Variants in PKP1 observed in about 807,000 individuals in gnomAD.
The protein encoded by PKP1 is plakophilin-1.
Under a neutral mutation model 76.4 loss-of-function variants are expected in PKP1, and 27 were observed. The ratio of observed to expected loss-of-function variants is 0.35; its 90% CI spans 0.26 to 0.49. The LOEUF is 0.49. PKP1 is among the 20% of genes least tolerant of loss of function. The pLI is 0.99. For missense variants in PKP1, 964 were observed against 955.2 expected, an observed-to-expected ratio of 1.01 and a Z score of -0.12; for synonymous variants, 404 against 384.2, an observed-to-expected ratio of 1.05 and a Z score of -0.60.
chr1:201,317,979 G>C (rs1656815181), intron 5 of PKP1, among the ~76,000 whole-genome samples, 200 bp downstream of exon 5: 2 of 152,238 alleles, frequency 1.3e-5, no homozygotes, highest in Admixed American at 1.3e-4. Flanking sequence ...ACCTTGGGTG[G>C]TGTGCACACA....
intron 9 of PKP1, among the ~76,000 whole-genome samples, chr1:201,323,757 G>T (rs565135113): frequency 6.6e-6 from 1 of 152,308 alleles, no homozygotes; most frequent in Admixed American, 6.5e-5. Flanking sequence ...CCGAGCAGCA[G>T]CAGCACTAGA....
At chr1:201,326,102 T>C (rs1024452559) in intron 12 of PKP1, among the ~76,000 whole-genome samples, 10 of 152,152 alleles carry the variant, frequency 6.6e-5, no homozygotes, top group African/African-American at 2.4e-4. Context: ...GGTGGGATCC[T>C]TTAGGAGCAA....
At chr1:201,324,221 G>T (rs1432523815) in intron 9 of PKP1, among the ~76,000 whole-genome samples, 1 of 152,156 alleles carries the variant, frequency 6.6e-6, no homozygotes, top group African/African-American at 2.4e-5. Flanking sequence ...TGGGCTGCAG[G>T]CTGATCCAGG....
intron 3 of PKP1, among the ~76,000 whole-genome samples, chr1:201,314,601 C>T (rs920257606): frequency 1.3e-5 from 2 of 152,236 alleles, no homozygotes; most frequent in African/African-American, 4.8e-5. Context: ...CAAAGGAGAC[C>T]AAATGGGGTG....
chr1:201,326,234 G>A (rs1235241472), intron 12 of PKP1, among the ~76,000 whole-genome samples: 3 of 152,214 alleles, frequency 2.0e-5, no homozygotes, highest in Non-Finnish European at 2.9e-5. Context: ...GAAGAGCTTG[G>A]ACTTGTACCT....
At chr1:201,295,932 C>A (rs1215354550) in intron 2 of PKP1, among the ~76,000 whole-genome samples, 2 of 152,108 alleles carry the variant, frequency 1.3e-5, no homozygotes, top group African/African-American at 4.8e-5. Flanking sequence ...CATTTCACTT[C>A]TGGTTAATTA....
At chr1:201,321,892 C>T (rs1656950828) in intron 7 of PKP1, 86 bp from the exon 8 acceptor site, 5 of 1,511,664 alleles carry the variant, frequency 3.3e-6, no homozygotes, top group African/African-American at 2.7e-5. Flanking sequence ...GGTGCCTCTG[C>T]TCTCTTATTA....
intron 3 of PKP1, 180 bp from the exon 4 acceptor site, chr1:201,316,373 C>T (rs1656748151): frequency 1.6e-6 from 1 of 630,180 alleles, no homozygotes; most frequent in Non-Finnish European, 2.8e-6. Flanking sequence ...AGCCTTCCCT[C>T]CTCTGGAGGA....
chr1:201,313,694 C>G (rs1656638093), intron 3 of PKP1, 134 bp downstream of exon 3: 1 of 963,000 alleles, frequency 1.0e-6, no homozygotes, highest in South Asian at 1.7e-5. Context: ...AGTTCATTGC[C>G]CCTGGTGTAA....
At position 201,324,510 on chromosome 1, in the gene PKP1, C is replaced by G. The variant is rs1005266334; in HGVS notation, c.1763C>G (p.Ser588Cys). ...QIARLLQSGN[S>C]DVVRSGASLL... ...GCCCGCCTCCTGCAATCTGGCAACT[C>G]TGATGTGGTGCGGTCCGGAGCCTCC... Residue 588 changes from serine to cysteine, a missense_variant, in exon 10 of 14, where the codon TCT becomes TGT. Physicochemically the swap from Ser to Cys is moderately radical, Grantham distance 112. Coordinates refer to ENST00000367324, the MANE Select transcript of PKP1 (RefSeq NM_001005337.3). The G allele has an allele frequency of 1.2e-5, 19 of 1,614,152 alleles. No individual in the cohort carries two copies. Among genetic ancestry groups the G allele is most frequent in the Non-Finnish European group, 1.5e-5 (18 of 1,180,028 alleles).
chr1:201,319,918 A>G (rs2102180495), intron 6 of PKP1: 3 of 1,600,192 alleles, frequency 1.9e-6, no homozygotes, highest in African/African-American at 1.3e-5. Flanking sequence ...CCGTTGCCAC[A>G]TGGAGCCATT....
chr1:201,290,796 T>A (rs1655894223), intron 1 of PKP1, among the ~76,000 whole-genome samples: 1 of 152,088 alleles, frequency 6.6e-6, no homozygotes, highest in Non-Finnish European at 1.5e-5. Context: ...TCAGAGAGTG[T>A]CCAAAGTACA....
In PKP1 at chr1:201,324,942, G is replaced by A. The variant is rs767088710; in HGVS notation, c.1836G>A (p.Gly612=). ...TGCCCCAACTCGTTCCTCTCCCAGG[G>A]AACCAGGTGTTCCCGGAGGTGACCA... ...SRHPLLHRVM[G]NQVFPEVTRL... The change falls in exon 11 of 14, where the codon GGG becomes GGA. Residue 612 remains glycine, a splice_region_variant and synonymous_variant. Transcript: ENST00000367324. 3.1e-6 allele frequency: 5 copies of A among 1,613,372 alleles called. No homozygotes were observed. Among genetic ancestry groups the A allele is most frequent in the South Asian group, 1.1e-5 (1 of 91,010 alleles).
chr1:201,321,993 A>T lies in PKP1; in HGVS notation c.1363A>T (p.Met455Leu). Residue 455 changes from methionine to leucine, a missense_variant, in exon 8 of 14, where the codon ATG (methionine) becomes TTG (leucine). Transcript: ENST00000367324. ...RCDDKSVENCMCVLHNLSYRL... is the reference protein window; with the variant it reads ...RCDDKSVENCLCVLHNLSYRL... ...TGGTCCCCAGTCTGTGGAAAACTGC[A>T]TGTGTGTTCTGCACAACCTCTCCTA... is the stretch of plus-strand genomic sequence containing the variant. 2 of 1,614,040 alleles carry T rather than the reference A, an allele frequency of 1.2e-6. No homozygotes were observed. Among genetic ancestry groups the T allele is most frequent in the Non-Finnish European group, 1.7e-6 (2 of 1,180,004 alleles).
chr1:201,308,309 G>A (rs1656428020), intron 2 of PKP1, among the ~76,000 whole-genome samples: 1 of 152,204 alleles, frequency 6.6e-6, no homozygotes, highest in Non-Finnish European at 1.5e-5. Context: ...CTGCAGTGCT[G>A]TCAGCATCCT....
intron 13 of PKP1, among the ~76,000 whole-genome samples, chr1:201,329,267 C>T (rs1459984591): frequency 6.6e-6 from 1 of 152,202 alleles, no homozygotes; most frequent in Non-Finnish European, 1.5e-5. Flanking sequence ...TTATAATTCA[C>T]TTTCCACTCT....
intron 1 of PKP1, among the ~76,000 whole-genome samples, chr1:201,287,004 G>A (rs1655761419): frequency 6.6e-6 from 1 of 152,160 alleles, no homozygotes; most frequent in Admixed American, 6.5e-5. Context: ...ACCCAGCTCA[G>A]TGAAAGGAGC....
chr1:201,318,938 A>G, intron 6 of PKP1, 143 bp downstream of exon 6: 1 of 757,004 alleles, frequency 1.3e-6, no homozygotes, highest in South Asian at 1.5e-5. Flanking sequence ...TCCAAGACAC[A>G]GGGACTCAGG....
intron 2 of PKP1, among the ~76,000 whole-genome samples, chr1:201,294,786 C>T (rs1656025405): frequency 6.6e-6 from 1 of 152,226 alleles, no homozygotes; most frequent in Non-Finnish European, 1.5e-5. Flanking sequence ...TCTCAATCCA[C>T]TATACTTCAT....
Sources: allele counts gnomAD v4.1 joint callset (sites outside exome capture counted in the v4.1 genomes callset), GRCh38; gene constraint gnomAD v4.1.1; transcripts MANE v1.5; gene names NCBI Gene and HGNC (gene_info 2026-07-23, HGNC 2026-07-21).